The following KCNQ1 variants were observed in gnomAD, a reference collection of about 807,000 sequenced individuals.
The protein encoded by KCNQ1 is potassium voltage-gated channel subfamily Q member 1.
KCNQ1 carries 49 observed loss-of-function variants against 72.4 expected under a neutral mutation model. The observed-to-expected ratio is 0.68, with a 90% CI of 0.54 to 0.86. The LOEUF (loss-of-function observed/expected upper bound fraction) is 0.86, where lower values mean the gene tolerates loss of function less well. KCNQ1 is among the 40% of genes least tolerant of loss of function. The pLI is 0.00. For missense variants in KCNQ1, 790 were observed against 945.1 expected (o/e 0.84, Z 2.15); for synonymous variants, 450 against 412.6 (o/e 1.09, Z -1.10).
chr11:2,832,581 C>T (rs1168136274), intron 15 of KCNQ1, among the ~76,000 whole-genome samples: 1 of 152,200 alleles, frequency 6.6e-6, no homozygotes, highest in African/African-American at 2.4e-5. Flanking sequence ...AGAGCCAGTG[C>T]AGGCAAAGCG....
chr11:2,500,750 C>T (rs573348243), intron 1 of KCNQ1, among the ~76,000 whole-genome samples: 2 of 152,138 alleles, frequency 1.3e-5, no homozygotes, highest in East Asian at 3.9e-4. Context: ...TGGAAACCAT[C>T]ATTCTCAGCA....
At position 2,603,933 on chromosome 11, in the gene KCNQ1, C is replaced by A. The variant is rs571233381; in HGVS notation, c.1393+15079C>A. 6.6e-6 allele frequency among the ~76,000 whole-genome samples: 1 copy of A among 151,956 alleles called. No homozygotes were observed. The highest frequency in any genetic ancestry group is 1.5e-5 in the Non-Finnish European group (1 of 67,986). Reference sequence around the variant, plus strand: ...CTCGAACTCCTGACCTCAGGTGATCCGCCCACCTCGGCCTCCTAACCTGCT... The same window carrying A: ...CTCGAACTCCTGACCTCAGGTGATCAGCCCACCTCGGCCTCCTAACCTGCT... On this transcript the variant is annotated intron_variant, in intron 10 of 15. Coordinates refer to ENST00000155840, the MANE Select transcript of KCNQ1 (RefSeq NM_000218.3). The surrounding 1 kb of genome is among the most constrained non-coding windows in gnomAD (Gnocchi z 4.1).
intron 11 of KCNQ1, chr11:2,699,648 G>A: frequency 2.8e-6 from 1 of 359,288 alleles, no homozygotes; most frequent in Non-Finnish European, 5.0e-6. Context: ...GGGGACAACC[G>A]CGCCGAAGAA....
chr11:2,557,123 A>G (rs1848083888), intron 2 of KCNQ1, among the ~76,000 whole-genome samples: 1 of 152,240 alleles, frequency 6.6e-6, no homozygotes, highest in Admixed American at 6.5e-5. Context: ...AGGAATGGCC[A>G]AAGAGAGGCC....
chr11:2,596,777 T>C (rs1848738665), intron 10 of KCNQ1, among the ~76,000 whole-genome samples: 1 of 152,068 alleles, frequency 6.6e-6, no homozygotes, highest in African/African-American at 2.4e-5. Flanking sequence ...ATCATAATCA[T>C]GGCGATGGTT....
Position 2,538,366 on chromosome 11 carries a change from G to A in KCNQ1, c.477+10348G>A, listed in dbSNP as rs967300764. On this transcript the variant is annotated intron_variant, in intron 2 of 15. Coordinates refer to ENST00000155840, the MANE Select transcript of KCNQ1 (RefSeq NM_000218.3). This position sits in a 1 kb window ranked among gnomAD's most constrained non-coding sequence, Gnocchi z 6.7. The stretch of plus-strand genomic sequence containing the variant: ...CTGGCCCCACGGATGTTGTGTGGAC[G>A]AGTTGGAGGGCTCACAGGCCCCTCT... Among the ~76,000 whole-genome samples, 7 of 151,958 alleles carry A rather than the reference G, an allele frequency of 4.6e-5. No individual in the cohort carries two copies. Among genetic ancestry groups the A allele is most frequent in the Admixed American group, 1.3e-4 (2 of 15,272 alleles).
At chr11:2,605,044 C>T (rs1300536979) in intron 10 of KCNQ1, among the ~76,000 whole-genome samples, 1 of 152,224 alleles carries the variant, frequency 6.6e-6, no homozygotes, top group Non-Finnish European at 1.5e-5. Context: ...CCTGTGACTA[C>T]TCACGTTGAG....
At chr11:2,569,052 A>G (rs1009770992) in intron 2 of KCNQ1, among the ~76,000 whole-genome samples, 4 of 151,916 alleles carry the variant, frequency 2.6e-5, no homozygotes, top group African/African-American at 9.7e-5. Flanking sequence ...TGCCAGGCTA[A>G]TTTTTGTATT....
At chr11:2,570,288 G>A (rs908840348) in intron 2 of KCNQ1, among the ~76,000 whole-genome samples, 16 of 151,518 alleles carry the variant, frequency 1.1e-4, no homozygotes, top group African/African-American at 2.7e-4. Context: ...TCCTGGCGTC[G>A]GACGCCCTCT....
chr11:2,554,856 C>G (rs1185539472), intron 2 of KCNQ1, among the ~76,000 whole-genome samples: 1 of 152,228 alleles, frequency 6.6e-6, no homozygotes, highest in African/African-American at 2.4e-5. Context: ...AATTTCCTCT[C>G]AATCCCTTAA....
intron 10 of KCNQ1, chr11:2,640,202 G>A (rs1849551204): frequency 5.1e-6 from 2 of 391,704 alleles, no homozygotes; most frequent in Non-Finnish European, 4.5e-6. Flanking sequence ...TCAGTGGGCT[G>A]CACCCACTGT....
chr11:2,584,124 C>A (rs963709652), intron 7 of KCNQ1, among the ~76,000 whole-genome samples: 2 of 152,062 alleles, frequency 1.3e-5, no homozygotes, highest in African/African-American at 4.8e-5. Flanking sequence ...TGCGTGCATA[C>A]TGTGTATACA....
chr11:2,797,115 G>A (rs558141892), intron 15 of KCNQ1, among the ~76,000 whole-genome samples: 26 of 152,336 alleles, frequency 1.7e-4, no homozygotes, highest in African/African-American at 6.0e-4. Flanking sequence ...CAGGATTTAC[G>A]AGGACTCGGC....
intron 15 of KCNQ1, among the ~76,000 whole-genome samples, chr11:2,825,078 T>C (rs1293886945): frequency 6.6e-6 from 1 of 152,178 alleles, no homozygotes; most frequent in African/African-American, 2.4e-5. Context: ...AGGCGCAGTG[T>C]GCTGGGCCTC....
At chr11:2,643,863 G>A (rs1464656253) in intron 10 of KCNQ1, 2 of 398,404 alleles carry the variant, frequency 5.0e-6, no homozygotes, top group Non-Finnish European at 8.8e-6. Flanking sequence ...ACTTTGCTAA[G>A]TACAGTATTC....
chr11:2,480,913 A>AGGGACAGGATGGAGCAGGACG (rs1846641051), intron 1 of KCNQ1, among the ~76,000 whole-genome samples: 1 of 152,302 alleles, frequency 6.6e-6, no homozygotes, highest in African/African-American at 2.4e-5. Flanking sequence ...AAGTCTGGAG[A>AGGGACAGGATGGAGCAGGACG]GGGACAGGAT....
chr11:2,732,720 C>T (rs892848991), intron 11 of KCNQ1, among the ~76,000 whole-genome samples: 5 of 152,200 alleles, frequency 3.3e-5, no homozygotes, highest in South Asian at 4.1e-4. Flanking sequence ...ACCGGGCCGG[C>T]GCACACAGCT....
chr11:2,770,993 G>A (rs572494902), intron 12 of KCNQ1, among the ~76,000 whole-genome samples: 17 of 152,366 alleles, frequency 1.1e-4, no homozygotes, highest in South Asian at 6.2e-4. Flanking sequence ...CAGCATGGTC[G>A]TGACAGCCGA....
At chr11:2,699,649 C>CGCCGAAGAACCCCCGGGGACAACCGT in intron 11 of KCNQ1, 2 of 357,926 alleles carry the variant, frequency 5.6e-6, no homozygotes, top group Admixed American at 4.7e-5. Flanking sequence ...GGGACAACCG[C>CGCCGAAGAACCCCCGGGGACAACCGT]GCCGAAGAAC....
Sources: gnomAD v4.1 joint callset for allele counts (sites outside exome capture counted in the v4.1 genomes callset) on GRCh38, gnomAD v4.1.1 for gene constraint, Gnocchi (gnomAD v3.1) non-coding constraint, MANE v1.5 for transcripts, NCBI Gene and HGNC (gene_info 2026-07-23, HGNC 2026-07-21) for gene names.